PMS1: variants seen among roughly 807,000 people sequenced by gnomAD.
The protein encoded by PMS1 is PMS1 homolog 1, mismatch repair system component.
Under a neutral mutation model 93.1 loss-of-function variants are expected in PMS1, and 79 were observed. That is an observed-to-expected ratio of 0.85 (90% CI 0.71 to 1.02). The LOEUF (loss-of-function observed/expected upper bound fraction) is 1.02, where lower values mean the gene tolerates loss of function less well. Ranked by LOEUF, PMS1 falls within the 50% of genes least tolerant of loss-of-function variation. The pLI is 0.00. For synonymous variants in PMS1, 335 were observed against 363.4 expected, an observed-to-expected ratio of 0.92 and a Z score of 0.89; for missense variants, 1,064 against 1,085.3, an observed-to-expected ratio of 0.98 and a Z score of 0.28.
intron 5 of PMS1, among the ~76,000 whole-genome samples, chr2:189,830,776 C>T (rs192912189): frequency 6.6e-6 from 1 of 152,186 alleles, no homozygotes; most frequent in Admixed American, 6.5e-5. Flanking sequence ...GGACTGTAAG[C>T]GTAGGCCTTA....
chr2:189,818,199 T>C lies in PMS1; in HGVS notation c.582+19T>C, dbSNP rs775915782. ...TAACAAGGTAAACATTATTTTATCT[T>C]TATAAGTTTCTGGGTATATGATATA... On this transcript the variant is annotated intron_variant, in intron 5 of 12. Transcript: ENST00000441310. 6.7e-7 allele frequency: 1 copy of C among 1,500,226 alleles called. No homozygotes were observed. Among genetic ancestry groups the C allele is most frequent in the Non-Finnish European group, 9.3e-7 (1 of 1,080,034 alleles). 92.9% of individuals were successfully genotyped at this position (1,500,226 alleles called of 1,614,324 possible).
At chr2:189,795,659 G>A in intron 2 of PMS1, 110 bp from the exon 3 acceptor site, 1 of 867,098 alleles carries the variant, frequency 1.2e-6, no homozygotes, top group East Asian at 2.6e-5. Flanking sequence ...ATAATGCTAT[G>A]CTTCCATAAA....
intron 4 of PMS1, among the ~76,000 whole-genome samples, chr2:189,809,928 GATAC>G (rs1168501798): frequency 6.6e-6 from 1 of 152,190 alleles, no homozygotes; most frequent in Non-Finnish European, 1.5e-5. Context: ...TGTGGTCTTA[GATAC>G]ATATATTTAA....
rs587778613 is a variant in PMS1 at position 189,864,105 on chromosome 2, C to T, written c.2219C>T (p.Ser740Phe). 4 of 1,613,130 alleles carry T rather than the reference C, an allele frequency of 2.5e-6. No individual in the cohort carries two copies. In the African/African-American group the frequency reaches 5.3e-5, roughly 22 times the overall value. Residue 740 changes from serine to phenylalanine, a missense_variant, in exon 10 of 13, where the codon TCC becomes TTC. Transcript: ENST00000441310. The stretch of plus-strand genomic sequence containing the variant: ...TTTCCTGATGCATGGCTAATGACAT[C>T]CAAAACAGAGGTAATGTTATTAAAT... ...LRFPDAWLMTSKTEVMLLNPY... is the reference protein window; with the variant it reads ...LRFPDAWLMTFKTEVMLLNPY...
intron 3 of PMS1, among the ~76,000 whole-genome samples, chr2:189,798,327 A>T (rs1423509127): frequency 6.6e-6 from 1 of 152,206 alleles, no homozygotes; most frequent in Admixed American, 6.5e-5. Context: ...GAGAAATTGC[A>T]AAGGAGATGA....
chr2:189,818,156 A>G lies in PMS1; in HGVS notation c.558A>G (p.Leu186=), dbSNP rs1344850777. The change falls in exon 5 of 13, where the codon TTA becomes TTG. Residue 186 remains leucine (L), a synonymous_variant. Transcript: ENST00000441310. ...LMSFGILKPD[L]RIVFVHNKAV... is the part of the protein sequence containing the mutation. ...GCTTTGGTATCCTTAAACCTGACTT[A>G]AGGATTGTCTTTGTACATAACAAGG... The G allele has an allele frequency of 1.2e-6, 2 of 1,603,138 alleles. No homozygotes were observed. Among genetic ancestry groups the G allele is most frequent in the Admixed American group, 3.3e-5 (2 of 59,964 alleles).
chr2:189,829,202 G>A (rs897730073), intron 5 of PMS1, among the ~76,000 whole-genome samples: 1 of 152,168 alleles, frequency 6.6e-6, no homozygotes, highest in African/African-American at 2.4e-5. Flanking sequence ...AGGGTTAAGT[G>A]ATGGCTTGCA....
chr2:189,843,079 G>A (rs529636346), intron 5 of PMS1, among the ~76,000 whole-genome samples: 6 of 151,914 alleles, frequency 3.9e-5, no homozygotes, highest in Non-Finnish European at 7.4e-5. Flanking sequence ...GTGCAGTGGC[G>A]TGTTCTCGCC....
intron 5 of PMS1, among the ~76,000 whole-genome samples, chr2:189,827,281 G>A (rs951747943): frequency 6.6e-6 from 1 of 152,130 alleles, no homozygotes; most frequent in African/African-American, 2.4e-5. Context: ...CAACACTGTA[G>A]ATTTCTCTTC....
At chr2:189,871,590 T>C (rs2057152639) in intron 11 of PMS1, among the ~76,000 whole-genome samples, 1 of 152,242 alleles carries the variant, frequency 6.6e-6, no homozygotes, top group African/African-American at 2.4e-5. Context: ...CACAACCATT[T>C]AACCAGTTTC....
At chr2:189,801,508 G>A (rs1463345353) in intron 3 of PMS1, among the ~76,000 whole-genome samples, 1 of 152,110 alleles carries the variant, frequency 6.6e-6, no homozygotes, top group Non-Finnish European at 1.5e-5. Context: ...TTTCTTTTTA[G>A]GTTGATATTT....
chr2:189,844,643 C>CAAAAAA lies in PMS1; in HGVS notation c.699+578_699+583dup, dbSNP rs752620656. On this transcript the variant is annotated intron_variant, in intron 6 of 12. Transcript: ENST00000441310. ...TGGGTGACAGAGTGAGATTCCATCT[C>CAAAAAA]AAAAAAAAAAAAAAAAAAAACTGTT... Among the ~76,000 whole-genome samples the CAAAAAA allele has an allele frequency of 2.6e-3, 163 of 62,498 alleles. 2 individuals are homozygous for CAAAAAA. Among genetic ancestry groups the CAAAAAA allele is most frequent in the African/African-American group, 4.8e-3 (101 of 21,124 alleles). 41.0% of individuals were successfully genotyped at this position (62,498 alleles called of 152,430 possible). A position where few individuals can be genotyped will look rare whatever the true frequency, so the allele number is the denominator to read the frequency against.
At chr2:189,810,574 T>C (rs2050753746) in intron 4 of PMS1, among the ~76,000 whole-genome samples, 1 of 152,176 alleles carries the variant, frequency 6.6e-6, no homozygotes, top group Non-Finnish European at 1.5e-5. Flanking sequence ...ACAGAGCTAG[T>C]CCAACCCCCA....
chr2:189,801,462 A>G (rs1344909328), intron 3 of PMS1, among the ~76,000 whole-genome samples: 1 of 152,222 alleles, frequency 6.6e-6, no homozygotes, highest in Non-Finnish European at 1.5e-5. Flanking sequence ...GATTGTGTAT[A>G]TTATTCCTAT....
intron 10 of PMS1, among the ~76,000 whole-genome samples, chr2:189,867,159 T>A (rs2056734428): frequency 6.6e-6 from 1 of 152,182 alleles, no homozygotes; most frequent in African/African-American, 2.4e-5. Context: ...ACTATTCACA[T>A]CAACCCCGAC....
chr2:189,834,091 A>G (rs962285892), intron 5 of PMS1, among the ~76,000 whole-genome samples: 8 of 152,256 alleles, frequency 5.3e-5, no homozygotes, highest in African/African-American at 1.9e-4. Flanking sequence ...AAATGAGAGC[A>G]TTCACAGCAC....
At chr2:189,850,687 CA>C (rs2054614847) in intron 6 of PMS1, among the ~76,000 whole-genome samples, 1 of 151,880 alleles carries the variant, frequency 6.6e-6, no homozygotes, top group African/African-American at 2.4e-5. Flanking sequence ...ACCAGCAAAC[CA>C]GAATGAAGAG....
At chr2:189,795,336 A>G (rs1338086613) in intron 2 of PMS1, among the ~76,000 whole-genome samples, 1 of 152,236 alleles carries the variant, frequency 6.6e-6, no homozygotes, top group Non-Finnish European at 1.5e-5. Context: ...TTGAATAATG[A>G]TACTTGCTAG....
At chr2:189,861,261 C>A (rs904294550) in intron 9 of PMS1, among the ~76,000 whole-genome samples, 1 of 152,014 alleles carries the variant, frequency 6.6e-6, no homozygotes, top group Non-Finnish European at 1.5e-5. Context: ...TCCTTATAAT[C>A]TACTTGGAGT....
Sources: gnomAD v4.1 joint callset for allele counts (sites outside exome capture counted in the v4.1 genomes callset) on GRCh38, gnomAD v4.1.1 for gene constraint, MANE v1.5 for transcripts, NCBI Gene and HGNC (gene_info 2026-07-23, HGNC 2026-07-21) for gene names.